The following RGS18 variants were observed in gnomAD, a reference collection of about 807,000 sequenced individuals.
RGS18 encodes the protein regulator of G protein signaling 18.
Under a neutral mutation model 27.6 loss-of-function variants are expected in RGS18, and 22 were observed. The observed-to-expected ratio is 0.80, with a 90% CI of 0.57 to 1.14. RGS18 has a LOEUF of 1.14. Ranked by LOEUF, RGS18 falls within the 50% of genes most tolerant of loss-of-function variation. RGS18 has a pLI of 0.00. For synonymous variants in RGS18, 89 were observed against 84.6 expected, an observed-to-expected ratio of 1.05 and a Z score of -0.29; for missense variants, 299 against 269.6, an observed-to-expected ratio of 1.11 and a Z score of -0.76.
At chr1:192,160,499 A>G (rs1217746124) in intron 3 of RGS18, 60 bp downstream of exon 3, 11 of 1,233,160 alleles carry the variant, frequency 8.9e-6, no homozygotes, top group Non-Finnish European at 1.2e-5. Context: ...CAAACTATGC[A>G]TGTAATTATC....
At chr1:192,177,038 A>G (rs1225050384) in intron 3 of RGS18, among the ~76,000 whole-genome samples, 1 of 151,774 alleles carries the variant, frequency 6.6e-6, no homozygotes, top group African/African-American at 2.4e-5. Flanking sequence ...CAAACTAATA[A>G]TACAGATTCA....
In RGS18 at chr1:192,159,230, A is replaced by G; in HGVS notation, c.130A>G (p.Lys44Glu). Residue 44 changes from lysine to glutamate, a missense_variant, in exon 2 of 5, where the codon AAA becomes GAA. By Grantham distance (56) the Lys-to-Glu change is moderately conservative (BLOSUM62 1). Transcript: ENST00000367460. ...GCCTTTTTATTACAGAGCTAAGGAA[A>G]AAAGAAATAGACTAAGTCTTCTTGT... is the stretch of plus-strand genomic sequence containing the variant. ...SKEAKIRAKE[K>E]RNRLSLLVQK... 1 of 1,612,314 alleles carries G rather than the reference A, an allele frequency of 6.2e-7. No individual in the cohort carries two copies. Among genetic ancestry groups the G allele is most frequent in the Non-Finnish European group, 8.5e-7 (1 of 1,178,474 alleles).
Position 192,179,867 on chromosome 1 carries a change from T to G in RGS18, c.284-1425T>G, listed in dbSNP as rs1656421077. Among the ~76,000 whole-genome samples, 2 of 151,602 alleles carry G rather than the reference T, an allele frequency of 1.3e-5. 1 individual carries two copies. Among genetic ancestry groups the G allele is most frequent in the South Asian group, 4.1e-4 (2 of 4,830 alleles). ...GCAACATGTGTTACACTTGTAACTTTCTGTATCTTGATTATATTAATTAAT... is the reference window on the plus strand; with the variant it reads ...GCAACATGTGTTACACTTGTAACTTGCTGTATCTTGATTATATTAATTAAT... On this transcript the variant is annotated intron_variant, in intron 3 of 4. Coordinates refer to ENST00000367460, the MANE Select transcript of RGS18 (RefSeq NM_130782.3).
At chr1:192,181,157 A>T (rs1275967563) in intron 3 of RGS18, 135 bp from the exon 4 acceptor site, 4 of 496,628 alleles carry the variant, frequency 8.1e-6, no homozygotes, top group African/African-American at 2.0e-5. Flanking sequence ...ATTGTGCAAG[A>T]TGTGTGCTGC....
intron 4 of RGS18, among the ~76,000 whole-genome samples, chr1:192,181,904 T>C (rs1656463909): frequency 6.6e-6 from 1 of 151,640 alleles, no homozygotes; most frequent in Admixed American, 6.6e-5. Flanking sequence ...TACTTCTATG[T>C]GAGCAACTTT....
rs1262067920 is a variant in RGS18 at position 192,159,207 on chromosome 1, C to T, written c.120-13C>T. 5.0e-6 allele frequency: 8 copies of T among 1,589,396 alleles called. No homozygotes were observed. The highest frequency in any genetic ancestry group is 6.9e-6 in the Non-Finnish European group (8 of 1,159,088). On this transcript the variant is annotated splice_polypyrimidine_tract_variant and intron_variant, in intron 1 of 4. Coordinates refer to ENST00000367460, the MANE Select transcript of RGS18 (RefSeq NM_130782.3). ...ATCTAAATTGTCCTGACATGAAGGCCTTTTTATTACAGAGCTAAGGAAAAA... is the reference window on the plus strand; with the variant it reads ...ATCTAAATTGTCCTGACATGAAGGCTTTTTTATTACAGAGCTAAGGAAAAA...
At chr1:192,174,245 T>G (rs1656318620) in intron 3 of RGS18, among the ~76,000 whole-genome samples, 1 of 151,792 alleles carries the variant, frequency 6.6e-6, no homozygotes, top group Non-Finnish European at 1.5e-5. Context: ...TTGTTTTGTT[T>G]TTATCTATGT....
chr1:192,168,765 T>C (rs955300911), intron 3 of RGS18: 1 of 152,194 alleles, frequency 6.6e-6, no homozygotes, highest in Non-Finnish European at 1.5e-5. Flanking sequence ...GACTTTCTTT[T>C]CTTTACGGCA....
intron 3 of RGS18, among the ~76,000 whole-genome samples, chr1:192,180,982 G>C (rs541350224): frequency 6.6e-6 from 1 of 151,728 alleles, no homozygotes; most frequent in South Asian, 2.1e-4. Context: ...CACTCTGCGA[G>C]GGGAACGGAT....
chr1:192,183,537 G>A (rs767488501), intron 4 of RGS18, among the ~76,000 whole-genome samples: 20 of 151,544 alleles, frequency 1.3e-4, no homozygotes, highest in Non-Finnish European at 2.8e-4. Flanking sequence ...AATTCATAGA[G>A]AGTAAGAAGG....
In RGS18 at chr1:192,181,404, C is replaced by T. The variant is rs1268594774; in HGVS notation, c.396C>T (p.His132=). The change falls in exon 4 of 5, where the codon CAC becomes CAT. Residue 132 remains histidine (H), a synonymous_variant. Coordinates refer to ENST00000367460, the MANE Select transcript of RGS18 (RefSeq NM_130782.3). ...FKKSKGPQQI[H]LKAKAIYEKF... Reference sequence around the variant, plus strand: ...AAAGCAAGGGACCTCAACAAATTCACCTTAAAGCAAAAGCAATATATGAGA... The same window carrying T: ...AAAGCAAGGGACCTCAACAAATTCATCTTAAAGCAAAAGCAATATATGAGA... 3.1e-6 allele frequency: 5 copies of T among 1,588,870 alleles called. No homozygotes were observed. The African/African-American group carries it at 6.8e-5, about 22-fold the overall frequency.
chr1:192,158,739 C>T lies in RGS18; in HGVS notation c.102C>T (p.Ser34=), dbSNP rs776818634. The T allele has an allele frequency of 9.6e-6, 15 of 1,563,360 alleles. No homozygotes were observed. The African/African-American group carries it at 1.8e-4, about 19-fold the overall frequency. The stretch of plus-strand genomic sequence containing the variant: ...ATGGTTCAGGAAAAGAAGAAACAAG[C>T]AAAGAAGCCAAAATCAGGTAAAATT... The part of the protein sequence containing the change: ...LIHGSGKEET[S]KEAKIRAKEK... Residue 34 remains serine (S), a synonymous_variant, in exon 1 of 5, where the codon AGC becomes AGT. Transcript: ENST00000367460.
At chr1:192,159,879 A>C (rs1393687934) in intron 2 of RGS18, among the ~76,000 whole-genome samples, 1 of 152,084 alleles carries the variant, frequency 6.6e-6, no homozygotes, top group Non-Finnish European at 1.5e-5. Flanking sequence ...TTTTTCTATT[A>C]AAATATCTTA....
intron 4 of RGS18, among the ~76,000 whole-genome samples, chr1:192,182,320 T>C (rs1222360386): frequency 6.6e-6 from 1 of 151,576 alleles, no homozygotes; most frequent in Non-Finnish European, 1.5e-5. Context: ...AATGCATGAG[T>C]TTCCCTTTCT....
At chr1:192,172,062 T>G (rs997875671) in intron 3 of RGS18, among the ~76,000 whole-genome samples, 1 of 152,084 alleles carries the variant, frequency 6.6e-6, no homozygotes, top group African/African-American at 2.4e-5. Context: ...TTTGCAGTTA[T>G]AGACCAACTA....
At chr1:192,178,456 C>G (rs988918181) in intron 3 of RGS18, among the ~76,000 whole-genome samples, 4 of 151,420 alleles carry the variant, frequency 2.6e-5, no homozygotes, top group African/African-American at 9.7e-5. Context: ...GAAGGATAAA[C>G]TGAGAAGGAT....
At chr1:192,172,283 C>T (rs184186129) in intron 3 of RGS18, among the ~76,000 whole-genome samples, 1 of 152,076 alleles carries the variant, frequency 6.6e-6, no homozygotes, top group East Asian at 1.9e-4. Flanking sequence ...TGAGTTTTCA[C>T]TCTTGAAAGA....
At chr1:192,173,302 A>G (rs1461207307) in intron 3 of RGS18, among the ~76,000 whole-genome samples, 1 of 151,980 alleles carries the variant, frequency 6.6e-6, no homozygotes, top group Admixed American at 6.6e-5. Flanking sequence ...CTTTATAAAT[A>G]GCTGGATTTT....
At chr1:192,167,618 A>G (rs989120701) in intron 3 of RGS18, among the ~76,000 whole-genome samples, 1 of 151,986 alleles carries the variant, frequency 6.6e-6, no homozygotes, top group Non-Finnish European at 1.5e-5. Context: ...ACAGGGTTTC[A>G]CCATGTTGGC....
Sources: allele counts gnomAD v4.1 joint callset (sites outside exome capture counted in the v4.1 genomes callset), GRCh38; gene constraint gnomAD v4.1.1; transcripts MANE v1.5; gene names NCBI Gene and HGNC (gene_info 2026-07-23, HGNC 2026-07-21).